The following PLEKHA7 variants were observed in gnomAD, a reference collection of about 807,000 sequenced individuals.
PLEKHA7 encodes pleckstrin homology domain containing A7, also known as pleckstrin homology domain-containing family A member 7.
A neutral mutation model predicts 170.0 loss-of-function variants in PLEKHA7; 104 were observed. The ratio of observed to expected loss-of-function variants is 0.61; its 90% CI spans 0.52 to 0.72. The LOEUF is 0.72. Among genes scored for constraint, PLEKHA7 ranks in the 30% least tolerant of loss-of-function variants. The pLI, the probability that PLEKHA7 is intolerant of heterozygous loss-of-function variation, is 0.00. For synonymous variants in PLEKHA7, 648 were observed against 660.8 expected, an observed-to-expected ratio of 0.98 and a Z score of 0.30; for missense variants, 1,615 against 1,671.7, an observed-to-expected ratio of 0.97 and a Z score of 0.59.
At chr11:16,824,261 G>C (rs377094715) in intron 10 of PLEKHA7, among the ~76,000 whole-genome samples, 1 of 152,238 alleles carries the variant, frequency 6.6e-6, no homozygotes, top group Non-Finnish European at 1.5e-5. Context: ...GGGGTCAGGT[G>C]CAGTGGGTCA....
chr11:16,839,732 G>A lies in PLEKHA7; in HGVS notation c.872+1815C>T, dbSNP rs142889096. ...TCTAGAAATGATTTAAAGTATGTGC[G>A]TAGGTTATATGCAAATACACCATTT... is the stretch of plus-strand genomic sequence containing the variant. On this transcript the variant is annotated intron_variant, in intron 9 of 26. Transcript: ENST00000531066. Among the ~76,000 whole-genome samples, 35 of 152,186 alleles carry A rather than the reference G, an allele frequency of 2.3e-4. 1 individual carries two copies. In the East Asian group the frequency reaches 2.3e-3, roughly 10 times the overall value.
At chr11:17,014,274 C>G (rs981980689) in intron 1 of PLEKHA7, 42 bp downstream of exon 1, 1 of 1,407,304 alleles carries the variant, frequency 7.1e-7, no homozygotes, top group African/African-American at 1.5e-5. Flanking sequence ...CGCCCCCGCG[C>G]CCCCACCCGC....
chr11:16,896,370 G>A (rs1856992844), intron 3 of PLEKHA7, among the ~76,000 whole-genome samples: 1 of 152,254 alleles, frequency 6.6e-6, no homozygotes, highest in African/African-American at 2.4e-5. Context: ...GGAGCCCAGA[G>A]TGCTAAACAC....
chr11:16,783,178 G>A (rs184809887), intron 25 of PLEKHA7, among the ~76,000 whole-genome samples: 8 of 152,192 alleles, frequency 5.3e-5, no homozygotes, highest in Admixed American at 2.0e-4. Context: ...CTGAAAGGGA[G>A]GCTTACAAAC....
intron 3 of PLEKHA7, among the ~76,000 whole-genome samples, chr11:16,887,708 C>T (rs1480477108): frequency 6.6e-6 from 1 of 152,208 alleles, no homozygotes; most frequent in East Asian, 1.9e-4. Flanking sequence ...CAATGTTGCC[C>T]AGGCTGGAGT....
intron 3 of PLEKHA7, among the ~76,000 whole-genome samples, chr11:16,979,123 C>T (rs535960161): frequency 2.1e-4 from 32 of 152,302 alleles, no homozygotes; most frequent in Non-Finnish European, 3.5e-4. Flanking sequence ...TTGCAACCTC[C>T]GCCTCCCGGG....
intron 3 of PLEKHA7, among the ~76,000 whole-genome samples, chr11:16,880,262 G>A (rs2135781741): frequency 6.6e-6 from 1 of 152,284 alleles, no homozygotes; most frequent in South Asian, 2.1e-4. Flanking sequence ...AGGAAGCCCA[G>A]GCAGATCAGA....
In PLEKHA7 at chr11:16,972,576, A is replaced by G. The variant is rs1008011208; in HGVS notation, c.221+41413T>C. Among the ~76,000 whole-genome samples the G allele has an allele frequency of 2.6e-5, 4 of 151,132 alleles. No homozygotes were observed. In the South Asian group the frequency reaches 8.3e-4, roughly 31 times the overall value. ...CTGGTGCGCACCACCATGCCTGGCT[A>G]TTTTTTTCTTTTTTTTCAGTTTTTA... On this transcript the variant is annotated intron_variant, in intron 3 of 26. Transcript: ENST00000531066.
intron 24 of PLEKHA7, 74 bp downstream of exon 24, chr11:16,786,155 G>A: frequency 6.7e-7 from 1 of 1,497,264 alleles, no homozygotes; most frequent in Non-Finnish European, 8.9e-7. Flanking sequence ...ATACCCCACA[G>A]TGGGAAGGTG....
intron 3 of PLEKHA7, among the ~76,000 whole-genome samples, chr11:16,991,529 G>A (rs1258544684): frequency 1.3e-5 from 2 of 152,062 alleles, no homozygotes; most frequent in Admixed American, 6.5e-5. Context: ...CAGAGACCTG[G>A]AGAAAGTGAG....
chr11:16,816,155 C>T (rs376818760), intron 12 of PLEKHA7, 23 bp downstream of exon 12: 96 of 1,578,952 alleles, frequency 6.1e-5, no homozygotes, highest in Non-Finnish European at 7.5e-5. Flanking sequence ...GCTTTGCAGG[C>T]TATGTCTTGT....
intron 19 of PLEKHA7, among the ~76,000 whole-genome samples, chr11:16,792,179 AT>A (rs1455417492): frequency 1.3e-5 from 2 of 152,216 alleles, no homozygotes; most frequent in African/African-American, 4.8e-5. Context: ...CTGACAAGAT[AT>A]CCGAATCACC....
intron 4 of PLEKHA7, among the ~76,000 whole-genome samples, chr11:16,859,201 C>T (rs1389279099): frequency 6.6e-6 from 1 of 152,214 alleles, no homozygotes; most frequent in African/African-American, 2.4e-5. Flanking sequence ...CAGTCCCTGA[C>T]CTGGCTCTTT....
intron 3 of PLEKHA7, among the ~76,000 whole-genome samples, chr11:16,975,908 C>T (rs915949244): frequency 1.1e-4 from 16 of 152,238 alleles, no homozygotes; most frequent in Non-Finnish European, 2.4e-4. Context: ...TCTCAGCTAG[C>T]AAAGTATTGT....
chr11:16,816,785 C>G lies in PLEKHA7; in HGVS notation c.1866+15G>C. On this transcript the variant is annotated intron_variant, in intron 11 of 26. Coordinates refer to ENST00000531066, the MANE Select transcript of PLEKHA7 (RefSeq NM_001329630.2). Reference sequence around the variant, plus strand: ...ATGATGACCCAGCAGCCTGGCAGAGCTTCCCGAGCCTCACCTTGACAGCGT... The same window carrying G: ...ATGATGACCCAGCAGCCTGGCAGAGGTTCCCGAGCCTCACCTTGACAGCGT... 6.2e-7 allele frequency: 1 copy of G among 1,609,858 alleles called. No individual in the cohort carries two copies. Among genetic ancestry groups the G allele is most frequent in the East Asian group, 2.2e-5 (1 of 44,856 alleles).
At chr11:16,948,124 G>C (rs1861163583) in intron 3 of PLEKHA7, among the ~76,000 whole-genome samples, 1 of 152,070 alleles carries the variant, frequency 6.6e-6, no homozygotes, top group Non-Finnish European at 1.5e-5. Flanking sequence ...GTGTAAAAAA[G>C]GTGAGCTCAT....
chr11:17,012,377 G>A (rs1319909428), intron 3 of PLEKHA7, among the ~76,000 whole-genome samples: 1 of 152,020 alleles, frequency 6.6e-6, no homozygotes, highest in African/African-American at 2.4e-5. Context: ...GCTCTTTTCT[G>A]CCTTAAGCCC....
chr11:16,849,410 G>C (rs1407230810), intron 8 of PLEKHA7, among the ~76,000 whole-genome samples: 2 of 152,196 alleles, frequency 1.3e-5, no homozygotes, highest in Admixed American at 6.5e-5. Context: ...CTAGAAAAGA[G>C]GGTTTCCTAA....
intron 3 of PLEKHA7, among the ~76,000 whole-genome samples, chr11:16,908,442 C>T (rs1334094674): frequency 1.3e-5 from 2 of 151,928 alleles, no homozygotes; most frequent in Non-Finnish European, 2.9e-5. Context: ...AGGAACCAAA[C>T]CTGCCGACCC....
Sources: gnomAD v4.1 joint callset for allele counts (sites outside exome capture counted in the v4.1 genomes callset) on GRCh38, gnomAD v4.1.1 for gene constraint, MANE v1.5 for transcripts, NCBI Gene and HGNC (gene_info 2026-07-23, HGNC 2026-07-21) for gene names.